Variants in IFTAP observed in about 807,000 individuals in gnomAD.
IFTAP encodes the protein intraflagellar transport-associated protein.
IFTAP carries 19 observed loss-of-function variants against 19.4 expected under a neutral mutation model. The ratio of observed to expected loss-of-function variants is 0.98; its 90% CI spans 0.68 to 1.44. IFTAP has a LOEUF of 1.44. IFTAP is among the 40% of genes most tolerant of loss of function. IFTAP has a pLI of 0.00. For missense variants in IFTAP, 240 were observed against 253.6 expected (o/e 0.95, Z 0.36); for synonymous variants, 85 against 83.5 (o/e 1.02, Z -0.10).
intron 2 of IFTAP, among the ~76,000 whole-genome samples, chr11:36,626,463 T>G (rs1852516797): frequency 6.6e-6 from 1 of 151,360 alleles, no homozygotes; most frequent in African/African-American, 2.5e-5. Flanking sequence ...CATAGTGGAC[T>G]CTCAGTGTAG....
chr11:36,622,625 CT>C (rs1852344034), intron 2 of IFTAP, among the ~76,000 whole-genome samples: 1 of 151,910 alleles, frequency 6.6e-6, no homozygotes, highest in South Asian at 2.1e-4. Context: ...CTAATTCTGC[CT>C]GTTTGGTATG....
intron 1 of IFTAP, among the ~76,000 whole-genome samples, chr11:36,608,238 T>C (rs1851762312): frequency 6.6e-6 from 1 of 152,220 alleles, no homozygotes; most frequent in African/African-American, 2.4e-5. Context: ...AATTTACCTC[T>C]GATGGTTGGG....
At chr11:36,624,189 A>T (rs1054374295) in intron 2 of IFTAP, among the ~76,000 whole-genome samples, 2 of 152,070 alleles carry the variant, frequency 1.3e-5, no homozygotes, top group African/African-American at 4.8e-5. Context: ...AAATACTCAG[A>T]GGTACCAGCA....
intron 1 of IFTAP, among the ~76,000 whole-genome samples, chr11:36,602,459 C>A (rs947348240): frequency 2.6e-5 from 4 of 152,164 alleles, no homozygotes; most frequent in African/African-American, 9.6e-5. Context: ...TATAAAGTAA[C>A]CTTTAGTGGG....
At chr11:36,612,147 T>C (rs1399800036) in intron 2 of IFTAP, among the ~76,000 whole-genome samples, 3 of 152,110 alleles carry the variant, frequency 2.0e-5, no homozygotes, top group Non-Finnish European at 2.9e-5. Context: ...AATTCCAGTA[T>C]GATCATTGCA....
intron 2 of IFTAP, among the ~76,000 whole-genome samples, chr11:36,621,981 A>T (rs1205733218): frequency 1.3e-5 from 2 of 152,026 alleles, no homozygotes; most frequent in African/African-American, 4.8e-5. Flanking sequence ...TCAGTTTTAG[A>T]TTGAATAAAC....
In IFTAP at chr11:36,659,098, G is replaced by C. The variant is rs891760806; in HGVS notation, c.578G>C (p.Ser193Thr). 6.2e-7 allele frequency: 1 copy of C among 1,610,362 alleles called. No homozygotes were observed. The highest frequency in any genetic ancestry group is 1.3e-5 in the African/African-American group (1 of 74,776). ...YDNVMLTSKF[S>T]PAEIENIKEL... ...AATGTGATGCTAACCTCCAAGTTTAGTCCTGCAGAGATAGAGAACATCAAA... is the reference window on the plus strand; with the variant it reads ...AATGTGATGCTAACCTCCAAGTTTACTCCTGCAGAGATAGAGAACATCAAA... The change falls in exon 6 of 6, where the codon AGT (serine) becomes ACT (threonine). Residue 193 changes from serine (S) to threonine (T), a missense_variant. By Grantham distance (58) the Ser-to-Thr change is moderately conservative. Coordinates refer to ENST00000334307, the MANE Select transcript of IFTAP (RefSeq NM_138787.4).
intron 2 of IFTAP, 115 bp downstream of exon 2, chr11:36,610,354 T>C (rs1467423749): frequency 2.0e-6 from 2 of 1,013,204 alleles, no homozygotes; most frequent in Non-Finnish European, 2.8e-6. Flanking sequence ...TCCATTCGTT[T>C]ATCAGGTAAT....
At chr11:36,609,402 T>TA (rs1851797316) in intron 1 of IFTAP, among the ~76,000 whole-genome samples, 1 of 152,158 alleles carries the variant, frequency 6.6e-6, no homozygotes, top group South Asian at 2.1e-4. Context: ...GAGAAAGATT[T>TA]AGGCTTAATT....
At chr11:36,618,359 C>T (rs939579988) in intron 2 of IFTAP, among the ~76,000 whole-genome samples, 8 of 151,952 alleles carry the variant, frequency 5.3e-5, no homozygotes, top group South Asian at 2.1e-4. Flanking sequence ...CGTAGGGCAT[C>T]GGGCAGTTCT....
At chr11:36,637,505 A>G (rs771107348) in intron 4 of IFTAP, among the ~76,000 whole-genome samples, 2 of 152,146 alleles carry the variant, frequency 1.3e-5, no homozygotes, top group Non-Finnish European at 2.9e-5. Flanking sequence ...TCAGGAAGCT[A>G]CATTTGTAGA....
chr11:36,626,176 TCAAAAATCTG>T (rs1286840378), intron 2 of IFTAP, among the ~76,000 whole-genome samples: 1 of 151,264 alleles, frequency 6.6e-6, no homozygotes, highest in East Asian at 1.9e-4. Flanking sequence ...AAATGCTGGT[TCAAAAATCTG>T]CAAAAATATA....
chr11:36,651,126 G>A (rs1451791661), intron 5 of IFTAP, among the ~76,000 whole-genome samples: 7 of 152,122 alleles, frequency 4.6e-5, no homozygotes, highest in South Asian at 2.1e-4. Flanking sequence ...CTGAGGAGTC[G>A]CCACACTGTC....
intron 2 of IFTAP, among the ~76,000 whole-genome samples, chr11:36,612,280 G>GT (rs201227236): frequency 0.12 from 17,094 of 145,890 alleles, 1,130 homozygotes; most frequent in African/African-American, 0.18. Flanking sequence ...CACACTAGTT[G>GT]TTTTTTTTTT....
intron 2 of IFTAP, among the ~76,000 whole-genome samples, chr11:36,617,680 T>A (rs1421897567): frequency 6.6e-6 from 1 of 152,038 alleles, no homozygotes; most frequent in African/African-American, 2.4e-5. Flanking sequence ...TCTAGTGCTC[T>A]TTATTTTAGA....
intron 1 of IFTAP, among the ~76,000 whole-genome samples, chr11:36,607,952 C>T (rs943013983): frequency 6.6e-6 from 1 of 152,130 alleles, no homozygotes; most frequent in African/African-American, 2.4e-5. Flanking sequence ...GGATGTAATC[C>T]CTTTTTATAG....
At chr11:36,628,964 C>T (rs1183948147) in intron 2 of IFTAP, among the ~76,000 whole-genome samples, 1 of 151,316 alleles carries the variant, frequency 6.6e-6, no homozygotes, top group East Asian at 1.9e-4. Flanking sequence ...GAACATAAAA[C>T]AGTTGGAATT....
At chr11:36,620,830 G>T (rs1852262022) in intron 2 of IFTAP, among the ~76,000 whole-genome samples, 1 of 151,548 alleles carries the variant, frequency 6.6e-6, no homozygotes, top group Non-Finnish European at 1.5e-5. Context: ...ACACATAAAA[G>T]AATCATTTTC....
At chr11:36,609,526 G>C (rs1397598674) in intron 1 of IFTAP, among the ~76,000 whole-genome samples, 3 of 152,054 alleles carry the variant, frequency 2.0e-5, no homozygotes, top group African/African-American at 7.2e-5. Context: ...TAGTAGGGAA[G>C]GGGGGGAGTG....
Sources: gnomAD v4.1 joint callset for allele counts (sites outside exome capture counted in the v4.1 genomes callset) on GRCh38, gnomAD v4.1.1 for gene constraint, MANE v1.5 for transcripts, NCBI Gene and HGNC (gene_info 2026-07-23, HGNC 2026-07-21) for gene names.